Variants in LY6G5C observed in about 807,000 individuals in gnomAD.
LY6G5C encodes lymphocyte antigen 6 complex locus protein G5c.
In LY6G5C, 6 loss-of-function variants were observed where a neutral mutation model predicts 10.5. That is an observed-to-expected ratio of 0.57 (90% CI 0.31 to 1.12). The LOEUF is 1.12. Ranked by LOEUF, LY6G5C falls within the 50% of genes most tolerant of loss-of-function variation. The pLI is 0.05. For missense variants in LY6G5C, 160 were observed against 185.5 expected, an observed-to-expected ratio of 0.86 and a Z score of 0.80; for synonymous variants, 69 against 67.8, an observed-to-expected ratio of 1.02 and a Z score of -0.09.
rs781404389 is a variant in LY6G5C, at chr6:31,680,197, C to T, written c.121+56G>A. ...ACAGGTGTACCCAGACACTTGGTGT[C>T]TGTGGGTTTCTCCATCCAGGCCAGG... On this transcript the variant is annotated intron_variant, in intron 1 of 2. Coordinates refer to ENST00000383237, the Ensembl canonical transcript of LY6G5C. This position sits in a 1 kb window ranked among gnomAD's most constrained non-coding sequence, Gnocchi z 4.5. 7.5e-6 allele frequency: 12 copies of T among 1,610,530 alleles called. No individual in the cohort carries two copies. The South Asian group carries it at 1.2e-4, about 16-fold the overall frequency.
chr6:31,676,895 TAGAAGTC>T (rs1207318750), exon 3 of LY6G5C: 4 of 1,544,706 alleles, frequency 2.6e-6, no homozygotes, highest in Non-Finnish European at 3.6e-6. Context: ...CAAGCCCAGA[TAGAAGTC>T]AGGAAGGTGG....
chr6:31,677,056 A>G, exon 3 of LY6G5C: 1 of 1,612,984 alleles, frequency 6.2e-7, no homozygotes, highest in Non-Finnish European at 8.5e-7. Flanking sequence ...AAGTTCGGGT[A>G]TTTGAACAAT....
rs1192635381 is a variant in LY6G5C, at chr6:31,680,370, G to A, written c.4C>T (p.Arg2Cys). The change falls in exon 1 of 3, where the codon CGT becomes TGT. Residue 2 changes from arginine to cysteine, a missense_variant. Physicochemically the swap from Arg to Cys is radical, Grantham distance 180. Transcript: ENST00000383237. This position sits in a 1 kb window ranked among gnomAD's most constrained non-coding sequence, Gnocchi z 4.5. ...CTCCCTGCAGGGCCTGCCATAAAAC[G>A]CATGACTGCCTGCTGGCCTCCAGTT... 4 of 1,607,910 alleles carry A rather than the reference G, an allele frequency of 2.5e-6. No individual in the cohort carries two copies. The highest frequency in any genetic ancestry group is 3.4e-5 in the Admixed American group (2 of 59,630).
chr6:31,679,188 C>T lies in LY6G5C; in HGVS notation c.202G>A (p.Glu68Lys). ...AGAAGGCACCCTAACTCCTTGGTCT[C>T]CAAGAGGCATCGGTAGCAGCGCAGG... is the stretch of plus-strand genomic sequence containing the variant. The change falls in exon 2 of 3, where the codon GAG becomes AAG. Residue 68 changes from glutamate to lysine, a missense_variant. Glu to Lys is a moderately conservative substitution (Grantham distance 56). Transcript: ENST00000383237. The surrounding 1 kb of genome is among the most constrained non-coding windows in gnomAD (Gnocchi z 4.4). 1 of 1,612,952 alleles carries T rather than the reference C, an allele frequency of 6.2e-7. No individual in the cohort carries two copies. The highest frequency in any genetic ancestry group is 8.5e-7 in the Non-Finnish European group (1 of 1,180,016).
chr6:31,679,126 G>T lies in LY6G5C; in HGVS notation c.264C>A (p.Ser88Arg). The T allele has an allele frequency of 6.2e-7, 1 of 1,613,012 alleles. No homozygotes were observed. Residue 88 changes from serine to arginine, a missense_variant, in exon 2 of 3, where the codon AGC (serine) becomes AGA (arginine). By Grantham distance (110) the Ser-to-Arg change is moderately radical. Coordinates refer to ENST00000383237, the Ensembl canonical transcript of LY6G5C. This position sits in a 1 kb window ranked among gnomAD's most constrained non-coding sequence, Gnocchi z 4.4. ...TGTTCTTTTTGTGGAGAGTGATGCAGCTGCTGCCAGCTGGGGTGAGGCAGA... is the reference window on the plus strand; with the variant it reads ...TGTTCTTTTTGTGGAGAGTGATGCATCTGCTGCCAGCTGGGGTGAGGCAGA...
chr6:31,680,014 T>G lies in LY6G5C; in HGVS notation c.121+239A>C, dbSNP rs1326424722. 5 of 406,408 alleles carry G rather than the reference T, an allele frequency of 1.2e-5. No individual in the cohort carries two copies. The highest frequency in any genetic ancestry group is 2.3e-5 in the Non-Finnish European group (5 of 222,010). 25.2% of individuals were successfully genotyped at this position (406,408 alleles called of 1,614,324 possible). A position where few individuals can be genotyped will look rare whatever the true frequency, so the allele number is the denominator to read the frequency against. ...GTGAGCCGAGATCTCGCCACTGCAC[T>G]CCGGCCTGGGATACAGAGCGAGACT... On this transcript the variant is annotated intron_variant, in intron 1 of 2. Transcript: ENST00000383237. The surrounding 1 kb of genome is among the most constrained non-coding windows in gnomAD (Gnocchi z 4.5).
chr6:31,678,969 CAAA>C (rs9281552), intron 2 of LY6G5C, 129 bp downstream of exon 2: 7 of 878,064 alleles, frequency 8.0e-6, no homozygotes, highest in Non-Finnish European at 1.2e-5. Context: ...GACAGAGCAG[CAAA>C]AAAAAAAAGA....
At chr6:31,677,219 A>G (rs1478156040) in intron 2 of LY6G5C, 99 bp from the exon 3 acceptor site, 1 of 1,280,220 alleles carries the variant, frequency 7.8e-7, no homozygotes, top group East Asian at 2.3e-5. Context: ...AAAGAAAAAG[A>G]AAAGATTCCT....
intron 2 of LY6G5C, 40 bp from the exon 3 acceptor site, chr6:31,677,160 C>T: frequency 6.3e-7 from 1 of 1,597,658 alleles, no homozygotes; most frequent in East Asian, 2.2e-5. Context: ...CGGAAGTCCC[C>T]AGGAAGAGCC....
downstream of LY6G5C, chr6:31,676,730 G>C (rs774753350): frequency 2.4e-4 from 122 of 512,300 alleles, 1 homozygote; most frequent in Non-Finnish European, 2.8e-5. Context: ...CAGGGACTAG[G>C]GGACAAGAGA....
chr6:31,679,199 C>T lies in LY6G5C; in HGVS notation c.191G>A (p.Arg64Gln), dbSNP rs781099098. 7.4e-6 allele frequency: 12 copies of T among 1,612,868 alleles called. No individual in the cohort carries two copies. The highest frequency in any genetic ancestry group is 1.3e-5 in the African/African-American group (1 of 74,862). The stretch of plus-strand genomic sequence containing the variant: ...TAACTCCTTGGTCTCCAAGAGGCAT[C>T]GGTAGCAGCGCAGGTATTTGGGGAA... The change falls in exon 2 of 3, where the codon CGA becomes CAA. Residue 64 changes from arginine to glutamine, a missense_variant. Coordinates refer to ENST00000383237, the Ensembl canonical transcript of LY6G5C. The surrounding 1 kb of genome is among the most constrained non-coding windows in gnomAD (Gnocchi z 4.4).
intron 2 of LY6G5C, among the ~76,000 whole-genome samples, chr6:31,678,738 G>A (rs753617890): frequency 6.6e-6 from 1 of 152,184 alleles, no homozygotes; most frequent in Non-Finnish European, 1.5e-5. Context: ...CAGCACTCTG[G>A]GAAGCTAAGG....
chr6:31,676,848 G>A, exon 3 of LY6G5C: 1 of 1,067,208 alleles, frequency 9.4e-7, no homozygotes, highest in South Asian at 1.4e-5. Flanking sequence ...CTGGAGGGAG[G>A]CAAGGAGGGC....
chr6:31,676,845 G>T, exon 3 of LY6G5C: 1 of 1,024,568 alleles, frequency 9.8e-7, no homozygotes, highest in Non-Finnish European at 1.5e-6. Context: ...TGGCTGGAGG[G>T]AGGCAAGGAG....
Position 31,679,294 on chromosome 6 carries a change from C to A in LY6G5C, c.122-26G>T. ...CTAGAACACAGAGAAGTGCTGACCC[C>A]ACTCACACCCCATTCTACCTCACAC... On this transcript the variant is annotated intron_variant, in intron 1 of 2. Coordinates refer to ENST00000383237, the Ensembl canonical transcript of LY6G5C. This position sits in a 1 kb window ranked among gnomAD's most constrained non-coding sequence, Gnocchi z 4.4. The A allele has an allele frequency of 6.2e-7, 1 of 1,612,766 alleles. No homozygotes were observed. Among genetic ancestry groups the A allele is most frequent in the South Asian group, 1.1e-5 (1 of 91,072 alleles).
chr6:31,677,901 G>T (rs147849198), intron 2 of LY6G5C, among the ~76,000 whole-genome samples: 2 of 152,264 alleles, frequency 1.3e-5, no homozygotes, highest in Admixed American at 1.3e-4. Context: ...GGGTAGTAGC[G>T]GGAGACTTTG....
In LY6G5C at chr6:31,679,582, C is replaced by A; in HGVS notation, c.122-314G>T. On this transcript the variant is annotated intron_variant, in intron 1 of 2. Coordinates refer to ENST00000383237, the Ensembl canonical transcript of LY6G5C. This position sits in a 1 kb window ranked among gnomAD's most constrained non-coding sequence, Gnocchi z 4.4. ...TGGTGCTTTGCAGCCAAGTGGGGAG[C>A]CCAGCAGGCTGGACTCAGTCTTGTT... 2.2e-6 allele frequency: 1 copy of A among 461,136 alleles called. No homozygotes were observed. Among genetic ancestry groups the A allele is most frequent in the East Asian group, 3.8e-5 (1 of 26,116 alleles). 28.6% of individuals were successfully genotyped at this position (461,136 alleles called of 1,614,324 possible). A position where few individuals can be genotyped will look rare whatever the true frequency, so the allele number is the denominator to read the frequency against.
At position 31,679,558 on chromosome 6, in the gene LY6G5C, G is replaced by C. The variant is rs1385895930; in HGVS notation, c.122-290C>G. 2 of 492,878 alleles carry C rather than the reference G, an allele frequency of 4.1e-6. No homozygotes were observed. Among genetic ancestry groups the C allele is most frequent in the Non-Finnish European group, 7.4e-6 (2 of 271,448 alleles). 30.5% of individuals were successfully genotyped at this position (492,878 alleles called of 1,614,324 possible). On this transcript the variant is annotated intron_variant, in intron 1 of 2. Transcript: ENST00000383237. The surrounding 1 kb of genome is among the most constrained non-coding windows in gnomAD (Gnocchi z 4.4). ...CTTTGAATCCTGTGTCTCTGTGGCTGGTGCTTTGCAGCCAAGTGGGGAGCC... is the reference window on the plus strand; with the variant it reads ...CTTTGAATCCTGTGTCTCTGTGGCTCGTGCTTTGCAGCCAAGTGGGGAGCC...
At chr6:31,677,735 A>G (rs1466111331) in intron 2 of LY6G5C, among the ~76,000 whole-genome samples, 1 of 152,188 alleles carries the variant, frequency 6.6e-6, no homozygotes, top group Non-Finnish European at 1.5e-5. Context: ...TAATGTTTAC[A>G]GTGGGATGCT....
Sources: allele counts gnomAD v4.1 joint callset (sites outside exome capture counted in the v4.1 genomes callset), GRCh38; gene constraint gnomAD v4.1.1; non-coding constraint Gnocchi (gnomAD v3.1); transcripts MANE v1.5; gene names NCBI Gene and HGNC (gene_info 2026-07-23, HGNC 2026-07-21).